Variants in PIEZO1 observed in about 807,000 individuals in gnomAD.
PIEZO1 encodes the protein piezo type mechanosensitive ion channel component 1 (Er blood group), also known as piezo-type mechanosensitive ion channel component 1.
Under a neutral mutation model 297.2 loss-of-function variants are expected in PIEZO1, and 296 were observed. The observed-to-expected ratio is 1.00, with a 90% CI of 0.91 to 1.10. The LOEUF (loss-of-function observed/expected upper bound fraction) is 1.10, where lower values mean the gene tolerates loss of function less well. Among genes scored for constraint, PIEZO1 ranks in the 50% least tolerant of loss-of-function variants. The pLI is 0.00. For missense variants in PIEZO1, 5,018 were observed against 3,455.5 expected (o/e 1.45, Z -11.34); for synonymous variants, 2,427 against 1,507.5 (o/e 1.61, Z -14.13).
rs555375727 is a variant in PIEZO1 at position 88,755,427 on chromosome 16, G to A, written c.65-5948C>T. The stretch of plus-strand genomic sequence containing the variant: ...CGTACGTTTCTTCCTAAACAAACCC[G>A]GTGCTGCAGCAGGAATCTGGCCACC... On this transcript the variant is annotated intron_variant, in intron 1 of 50. Coordinates refer to ENST00000301015, the MANE Select transcript of PIEZO1 (RefSeq NM_001142864.4). 1.6e-4 allele frequency among the ~76,000 whole-genome samples: 25 copies of A among 152,244 alleles called. 1 individual carries two copies. The Middle Eastern group carries it at 0.01, about 62-fold the overall frequency.
In PIEZO1 at chr16:88,722,304, C is replaced by T; in HGVS notation, c.4869G>A (p.Glu1623=). ...TGYHTRSGSE[E]AVTDPGEREA... ...CACGCTCCCCGGGGTCGGTGACTGC[C>T]TCCTCACTGCCACTGCGCGTGTGGT... Residue 1623 remains glutamate, a synonymous_variant, in exon 36 of 51, where the codon GAG becomes GAA. Transcript: ENST00000301015. 1 of 1,548,070 alleles carries T rather than the reference C, an allele frequency of 6.5e-7. No individual in the cohort carries two copies. The highest frequency in any genetic ancestry group is 8.7e-7 in the Non-Finnish European group (1 of 1,146,454).
chr16:88,720,155 G>C lies in PIEZO1; in HGVS notation c.6078C>G (p.Thr2026=). 1.9e-6 allele frequency: 3 copies of C among 1,550,464 alleles called. No individual in the cohort carries two copies. The highest frequency in any genetic ancestry group is 2.6e-6 in the Non-Finnish European group (3 of 1,146,984). ...VVDRALYLRK[T]VLGKLAFQVA... ...CCTGGAAGGCCAGCTTGCCCAGCAC[G>C]GTCTTGCGCAGGTAGAGGGCGCGGT... The change falls in exon 42 of 51, where the codon ACC becomes ACG. Residue 2026 remains threonine (T), a synonymous_variant. Transcript: ENST00000301015.
At chr16:88,775,292 T>G (rs922657871) in intron 1 of PIEZO1, among the ~76,000 whole-genome samples, 3 of 152,122 alleles carry the variant, frequency 2.0e-5, no homozygotes, top group Non-Finnish European at 4.4e-5. Flanking sequence ...TAGCGGCCAG[T>G]AGCCAGGCAG....
In PIEZO1 at chr16:88,734,811, G is replaced by T. The variant is rs1406913204; in HGVS notation, c.1849-13C>A. 4 of 1,550,148 alleles carry T rather than the reference G, an allele frequency of 2.6e-6. No individual in the cohort carries two copies. The African/African-American group carries it at 5.5e-5, about 21-fold the overall frequency. On this transcript the variant is annotated splice_polypyrimidine_tract_variant and intron_variant, in intron 14 of 50. Transcript: ENST00000301015. ...GGCTGTAGTAGACCTGCCGGGTGAGGTGGGGGTGGTGAGGACCGCGGGGAG... is the reference window on the plus strand; with the variant it reads ...GGCTGTAGTAGACCTGCCGGGTGAGTTGGGGGTGGTGAGGACCGCGGGGAG...
Position 88,715,537 on chromosome 16 carries a change from G to T in PIEZO1, c.*68C>A. The T allele has an allele frequency of 6.8e-7, 1 of 1,461,374 alleles. No homozygotes were observed. The highest frequency in any genetic ancestry group is 1.4e-5 in the African/African-American group (1 of 71,668). 90.5% of individuals were successfully genotyped at this position (1,461,374 alleles called of 1,614,324 possible). A position where few individuals can be genotyped will look rare whatever the true frequency, so the allele number is the denominator to read the frequency against. On this transcript the variant is annotated 3_prime_UTR_variant, in exon 51 of 51. Transcript: ENST00000301015. ...GGCAGTGGCTCCCCCGGCCTGAGGA[G>T]TGCCGCCCCTTGTGGCCACGCTGCC...
chr16:88,754,271 C>T (rs1906544277), intron 1 of PIEZO1, among the ~76,000 whole-genome samples: 1 of 152,206 alleles, frequency 6.6e-6, no homozygotes, highest in African/African-American at 2.4e-5. Context: ...AAGGGCTGGG[C>T]TGGCCTCTGC....
chr16:88,771,497 C>T (rs991573777), intron 1 of PIEZO1, among the ~76,000 whole-genome samples: 1 of 152,322 alleles, frequency 6.6e-6, no homozygotes, highest in East Asian at 1.9e-4. Flanking sequence ...ACTGGGGGCT[C>T]GGCTCCCCAC....
In PIEZO1 at chr16:88,732,418, C is replaced by A; in HGVS notation, c.2908G>T (p.Gly970Cys). The change falls in exon 21 of 51, where the codon GGC becomes TGC. Residue 970 changes from glycine (G) to cysteine (C), a missense_variant. Physicochemically the swap from Gly to Cys is radical, Grantham distance 159. Transcript: ENST00000301015. ...PLPAQAVFAS[G>C]TRQQLDQDLL... ...TCCTGGTCCAGCTGCTGGCGGGTGCCGCTGGCAAACACGGCCTGGGCAGGC... is the reference window on the plus strand; with the variant it reads ...TCCTGGTCCAGCTGCTGGCGGGTGCAGCTGGCAAACACGGCCTGGGCAGGC... 1.3e-6 allele frequency: 2 copies of A among 1,549,758 alleles called. No homozygotes were observed. The highest frequency in any genetic ancestry group is 1.7e-6 in the Non-Finnish European group (2 of 1,146,546).
In PIEZO1 at chr16:88,738,637, G is replaced by A. The variant is rs1409964405; in HGVS notation, c.565C>T (p.Arg189Ter). 3.3e-6 allele frequency: 5 copies of A among 1,535,602 alleles called. No homozygotes were observed. Among genetic ancestry groups the A allele is most frequent in the East Asian group, 2.4e-5 (1 of 40,930 alleles). Residue 189 changes from arginine (R) to a stop codon, truncating the protein, a stop_gained, in exon 6 of 51, where the codon CGA becomes TGA. Transcript: ENST00000301015. LOFTEE classifies it high-confidence loss of function. ...ACCAGCAGCCAGTGGGCCGTGACTC[G>A]GAAACGAGCGGCCAGCCGTGACCTC... ...TRRSRLAARF[R>*]VTAHWLLVAA...
chr16:88,770,127 C>A (rs905821552), intron 1 of PIEZO1, among the ~76,000 whole-genome samples: 1 of 152,280 alleles, frequency 6.6e-6, no homozygotes, highest in East Asian at 1.9e-4. Context: ...CCCCTCCCCA[C>A]CCTCTCTCCA....
At position 88,721,739 on chromosome 16, in the gene PIEZO1, G is replaced by A. The variant is rs1326619399; in HGVS notation, c.5215-13C>T. 1 of 1,537,042 alleles carries A rather than the reference G, an allele frequency of 6.5e-7. No homozygotes were observed. Among genetic ancestry groups the A allele is most frequent in the Admixed American group, 2.0e-5 (1 of 50,524 alleles). ...CGACCACCGCGATCTGTGGGGGAGG[G>A]GGCTCAGCACGCGGGGAGGGTCACG... is the stretch of plus-strand genomic sequence containing the variant. On this transcript the variant is annotated splice_polypyrimidine_tract_variant and intron_variant, in intron 37 of 50. Transcript: ENST00000301015.
chr16:88,755,214 G>GC (rs542345605), intron 1 of PIEZO1, among the ~76,000 whole-genome samples: 88 of 152,336 alleles, frequency 5.8e-4, no homozygotes, highest in Admixed American at 1.5e-3. Context: ...CGCCCCCGCC[G>GC]CCCCCGCCAT....
intron 1 of PIEZO1, among the ~76,000 whole-genome samples, chr16:88,756,744 G>C (rs146445142): frequency 1.3e-5 from 2 of 151,322 alleles, no homozygotes; most frequent in Non-Finnish European, 2.9e-5. Context: ...CTCCAGCCTG[G>C]GCAATAGAGC....
intron 1 of PIEZO1, among the ~76,000 whole-genome samples, chr16:88,777,887 G>A (rs770080491): frequency 1.3e-5 from 2 of 152,150 alleles, no homozygotes; most frequent in African/African-American, 2.4e-5. Flanking sequence ...CCGGGCAGGT[G>A]GCCTCCCTAA....
At position 88,715,709 on chromosome 16, in the gene PIEZO1, G is replaced by GCACCAGGAAGATGT; in HGVS notation, c.7448_7461dup (p.Arg2488ThrfsTer31). Reference sequence around the variant, plus strand: ...TCCAGCTCCAGCTCCCGAGTCTCCCGCACCAGGAAGATGTCCTGGCAGAGC... The same window carrying GCACCAGGAAGATGT: ...TCCAGCTCCAGCTCCCGAGTCTCCCGCACCAGGAAGATGTCACCAGGAAGATGTCCTGGCAGAGC... On this transcript the variant is annotated frameshift_variant, in exon 51 of 51. Coordinates refer to ENST00000301015, the MANE Select transcript of PIEZO1 (RefSeq NM_001142864.4). LOFTEE classifies it high-confidence loss of function. 1.3e-6 allele frequency: 2 copies of GCACCAGGAAGATGT among 1,550,348 alleles called. No individual in the cohort carries two copies. Among genetic ancestry groups the GCACCAGGAAGATGT allele is most frequent in the Non-Finnish European group, 1.7e-6 (2 of 1,146,884 alleles).
intron 1 of PIEZO1, among the ~76,000 whole-genome samples, chr16:88,757,327 T>G (rs10468312): frequency 0.48 from 18,653 of 38,596 alleles, 3,952 homozygotes; most frequent in Non-Finnish European, 0.63. Context: ...GGCGGGGGGG[T>G]GGGGGGTAGT....
chr16:88,778,103 C>G (rs1420467215), intron 1 of PIEZO1, among the ~76,000 whole-genome samples: 1 of 152,132 alleles, frequency 6.6e-6, no homozygotes, highest in Admixed American at 6.5e-5. Flanking sequence ...GGAGGGAGGG[C>G]GGACAAACAC....
At position 88,737,634 on chromosome 16, in the gene PIEZO1, T is replaced by G. The variant is rs898727601; in HGVS notation, c.1120A>C (p.Thr374Pro). 1 of 1,534,570 alleles carries G rather than the reference T, an allele frequency of 6.5e-7. No individual in the cohort carries two copies. Among genetic ancestry groups the G allele is most frequent in the Non-Finnish European group, 8.7e-7 (1 of 1,146,268 alleles). Residue 374 changes from threonine (T) to proline (P), a missense_variant, in exon 10 of 51, where the codon ACA (threonine) becomes CCA (proline). Thr to Pro is a conservative substitution (Grantham distance 38, BLOSUM62 -1). Transcript: ENST00000301015. ...ERESDQHVVP[T>P]APDTEADNCI... ...TTATCAGCCTCGGTGTCGGGTGCTG[T>G]GGGCACCACGTGCTGTGGGCAAGCA... is the stretch of plus-strand genomic sequence containing the variant.
At chr16:88,769,473 G>A (rs192143633) in intron 1 of PIEZO1, among the ~76,000 whole-genome samples, 121 of 152,318 alleles carry the variant, frequency 7.9e-4, no homozygotes, top group Non-Finnish European at 1.2e-3. Flanking sequence ...CACCATCCTC[G>A]CATTTTCCTT....
Sources: allele counts gnomAD v4.1 joint callset (sites outside exome capture counted in the v4.1 genomes callset), GRCh38; gene constraint gnomAD v4.1.1; transcripts MANE v1.5; gene names NCBI Gene and HGNC (gene_info 2026-07-23, HGNC 2026-07-21).